IL1RAPL2: variants seen among roughly 807,000 people sequenced by gnomAD.
IL1RAPL2 encodes X-linked interleukin-1 receptor accessory protein-like 2.
In IL1RAPL2, 3 loss-of-function variants were observed where a neutral mutation model predicts 44.1. That is an observed-to-expected ratio of 0.07 (90% confidence interval 0.03 to 0.18). The LOEUF is 0.18. Ranked by LOEUF, IL1RAPL2 falls within the 10% of genes least tolerant of loss-of-function variation. IL1RAPL2 has a pLI of 1.00. For missense variants in IL1RAPL2, 391 were observed against 496.4 expected, an observed-to-expected ratio of 0.79 and a Z score of 2.02; for synonymous variants, 181 against 178.8, an observed-to-expected ratio of 1.01 and a Z score of -0.10.
At chrX:105,380,205 C>T (rs944949957) in intron 5 of IL1RAPL2, among the ~76,000 whole-genome samples, 5 of 111,232 alleles carry the variant, frequency 4.5e-5, no homozygotes, top group Non-Finnish European at 7.6e-5. Context: ...ATGAGGAAAA[C>T]GAATTTTATA....
intron 2 of IL1RAPL2, among the ~76,000 whole-genome samples, chrX:104,739,051 G>A (rs1358992046): frequency 1.8e-5 from 2 of 111,520 alleles, no homozygotes; most frequent in Non-Finnish European, 3.8e-5. Context: ...CTAAGAGGGA[G>A]CAATGATATA....
At chrX:104,759,336 A>G (rs1052279800) in intron 2 of IL1RAPL2, among the ~76,000 whole-genome samples, 3 of 111,806 alleles carry the variant, frequency 2.7e-5, no homozygotes, top group African/African-American at 9.7e-5. Flanking sequence ...GATGGCAACC[A>G]GTATCATGGG....
chrX:104,724,110 A>T (rs188165369), intron 2 of IL1RAPL2, among the ~76,000 whole-genome samples: 1 of 111,726 alleles, frequency 9.0e-6, no homozygotes, highest in Admixed American at 9.6e-5. Context: ...AGGCTTTGAG[A>T]ACAAAAGATT....
At chrX:105,354,185 A>G (rs190434229) in intron 5 of IL1RAPL2, among the ~76,000 whole-genome samples, 52 of 111,389 alleles carry the variant, frequency 4.7e-4, no homozygotes, top group Admixed American at 2.5e-3. Flanking sequence ...TCATGCTGCT[A>G]TAAAGACACA....
intron 2 of IL1RAPL2, among the ~76,000 whole-genome samples, chrX:105,050,635 A>G (rs911184886): frequency 1.8e-5 from 2 of 112,088 alleles, no homozygotes; most frequent in Non-Finnish European, 3.8e-5. Flanking sequence ...CTCTGTGGCC[A>G]GTGCACCTTT....
intron 5 of IL1RAPL2, among the ~76,000 whole-genome samples, chrX:105,368,999 C>A (rs1374491888): frequency 7.4e-5 from 8 of 108,836 alleles, no homozygotes; most frequent in African/African-American, 2.7e-4. Context: ...TTAATATATT[C>A]TTTTGCTCAA....
chrX:105,035,418 A>G (rs769360664), intron 2 of IL1RAPL2, among the ~76,000 whole-genome samples: 5 of 112,374 alleles, frequency 4.4e-5, no homozygotes, highest in Admixed American at 1.9e-4. Context: ...ATTAAAAACT[A>G]CATTCACCAG....
At chrX:104,778,715 G>GAT (rs1188682650) in intron 2 of IL1RAPL2, among the ~76,000 whole-genome samples, 1 of 108,032 alleles carries the variant, frequency 9.3e-6, no homozygotes. Context: ...TATTATTTGA[G>GAT]ATATATATAT....
At chrX:104,589,009 A>G (rs1928614387) in intron 1 of IL1RAPL2, among the ~76,000 whole-genome samples, 1 of 112,173 alleles carries the variant, frequency 8.9e-6, no homozygotes, top group East Asian at 2.8e-4. Flanking sequence ...TGGAGGTTGT[A>G]TCAGTCAGGG....
chrX:104,989,088 T>G (rs2030613401), intron 2 of IL1RAPL2, among the ~76,000 whole-genome samples: 1 of 111,713 alleles, frequency 9.0e-6, no homozygotes, highest in Non-Finnish European at 1.9e-5. Context: ...CTTTGAGAAG[T>G]ATAGTGCATA....
intron 2 of IL1RAPL2, among the ~76,000 whole-genome samples, chrX:104,696,530 A>G (rs984792557): frequency 8.9e-6 from 1 of 112,199 alleles, no homozygotes; most frequent in Non-Finnish European, 1.9e-5. Flanking sequence ...TGCGGGACAG[A>G]TATTTACAAA....
At chrX:105,024,880 A>T (rs1350023600) in intron 2 of IL1RAPL2, among the ~76,000 whole-genome samples, 1 of 110,094 alleles carries the variant, frequency 9.1e-6, no homozygotes, top group Non-Finnish European at 1.9e-5. Flanking sequence ...GTATGAGTAC[A>T]GTTGTTACAG....
chrX:105,205,410 G>A (rs1265429085), intron 3 of IL1RAPL2, among the ~76,000 whole-genome samples: 2 of 105,817 alleles, frequency 1.9e-5, no homozygotes, highest in Non-Finnish European at 3.9e-5. Context: ...CCAACGTGGT[G>A]TAACCCCTGT....
At chrX:105,510,837 G>C (rs7052134) in intron 6 of IL1RAPL2, among the ~76,000 whole-genome samples, 14,427 of 110,993 alleles carry the variant, frequency 0.13, 2,328 homozygotes, top group African/African-American at 0.45. Context: ...ATACAGTCCT[G>C]CCAACACTTG....
intron 1 of IL1RAPL2, among the ~76,000 whole-genome samples, chrX:104,617,448 T>C (rs1187638903): frequency 8.9e-6 from 1 of 112,362 alleles, no homozygotes; most frequent in Non-Finnish European, 1.9e-5. Context: ...AATTATTCCC[T>C]CAAATATGTT....
At chrX:104,871,310 A>G (rs1443273600) in intron 2 of IL1RAPL2, among the ~76,000 whole-genome samples, 1 of 111,707 alleles carries the variant, frequency 9.0e-6, no homozygotes, top group Non-Finnish European at 1.9e-5. Flanking sequence ...AAATGTAGAA[A>G]GAAACCTGCA....
chrX:105,671,610 G>C (rs1386525575), intron 6 of IL1RAPL2, among the ~76,000 whole-genome samples: 1 of 111,868 alleles, frequency 8.9e-6, no homozygotes, highest in African/African-American at 3.2e-5. Flanking sequence ...TTAGTTTCTA[G>C]AAGTTTAAAT....
chrX:105,183,814 A>G (rs1173320661), intron 2 of IL1RAPL2, among the ~76,000 whole-genome samples: 1 of 111,323 alleles, frequency 9.0e-6, no homozygotes, highest in Non-Finnish European at 1.9e-5. Context: ...GCTGGATGTA[A>G]CTGGGGCTCC....
At chrX:104,611,220 C>G (rs139527751) in intron 1 of IL1RAPL2, among the ~76,000 whole-genome samples, 2 of 111,618 alleles carry the variant, frequency 1.8e-5, no homozygotes, top group East Asian at 5.7e-4. Context: ...TCAGAGCTGT[C>G]AGGCTGGGAT....
Sources: allele counts gnomAD v4.1 joint callset (sites outside exome capture counted in the v4.1 genomes callset), GRCh38; gene constraint gnomAD v4.1.1; transcripts MANE v1.5; gene names NCBI Gene and HGNC (gene_info 2026-07-23, HGNC 2026-07-21).